Variants in LGSN observed in about 807,000 individuals in gnomAD.
The protein encoded by LGSN is lengsin.
Under a neutral mutation model 19.5 loss-of-function variants are expected in LGSN, and 21 were observed. That is an observed-to-expected ratio of 1.07 (90% CI 0.76 to 1.55). The LOEUF (loss-of-function observed/expected upper bound fraction) is 1.55, where lower values mean the gene tolerates loss of function less well. LGSN is among the 40% of genes most tolerant of loss of function. The pLI, the probability that LGSN is intolerant of heterozygous loss-of-function variation, is 0.00. For missense variants in LGSN, 673 were observed against 608.5 expected, an observed-to-expected ratio of 1.11 and a Z score of -1.12; for synonymous variants, 257 against 215.6, an observed-to-expected ratio of 1.19 and a Z score of -1.68.
At position 63,281,089 on chromosome 6, in the gene LGSN, T is replaced by C. The variant is rs1278006004; in HGVS notation, c.462A>G (p.Ser154=). 1.2e-6 allele frequency: 2 copies of C among 1,613,814 alleles called. No homozygotes were observed. The highest frequency in any genetic ancestry group is 1.7e-6 in the Non-Finnish European group (2 of 1,179,992). ...CAGCCCATGGCAAAACTCTAAAGGT[T>C]GATAACTCTGGCATTAGGACTATGT... ...NSDIVLMPEL[S]TFRVLPWADR... The change falls in exon 4 of 4, where the codon TCA becomes TCG. Residue 154 remains serine, a synonymous_variant. Transcript: ENST00000370657.
chr6:63,439,493 C>T, the LGSN span, among the ~76,000 whole-genome samples: 543 of 151,642 alleles, frequency 3.6e-3, 4 homozygotes, highest in South Asian at 0.02. Context: ...CCGGCCTGGG[C>T]GACAGAGTGT....
chr6:63,480,207 A>G, the LGSN span: 1 of 221,834 alleles, frequency 4.5e-6, no homozygotes, highest in Non-Finnish European at 1.0e-5. Flanking sequence ...CAGAGCTGCA[A>G]CAAGGGGTAT....
the LGSN span, among the ~76,000 whole-genome samples, chr6:63,342,702 C>T: frequency 6.6e-6 from 1 of 152,168 alleles, no homozygotes; most frequent in East Asian, 1.9e-4. Flanking sequence ...GTTTGGTGAT[C>T]AGCTTTTTAA....
chr6:63,410,089 G>T, the LGSN span, among the ~76,000 whole-genome samples: 1 of 152,144 alleles, frequency 6.6e-6, no homozygotes, highest in South Asian at 2.1e-4. Flanking sequence ...CTATAAAATA[G>T]TACCTGTCTC....
intron 1 of LGSN, among the ~76,000 whole-genome samples, chr6:63,296,250 T>G (rs1021345617): frequency 2.0e-5 from 3 of 152,010 alleles, no homozygotes; most frequent in African/African-American, 7.2e-5. Flanking sequence ...AAAATTGTGG[T>G]CTTTTTCACT....
the LGSN span, among the ~76,000 whole-genome samples, chr6:63,472,754 C>T: frequency 5.3e-5 from 8 of 151,830 alleles, no homozygotes; most frequent in Admixed American, 1.3e-4. Context: ...TCCTGGCTAA[C>T]GCAGTGAAAC....
intron 2 of LGSN, among the ~76,000 whole-genome samples, chr6:63,288,435 G>A (rs896106931): frequency 6.6e-6 from 1 of 151,520 alleles, no homozygotes; most frequent in Non-Finnish European, 1.5e-5. Context: ...ATACAAGGGT[G>A]GGATAAATTC....
At chr6:63,367,427 A>C in the LGSN span, among the ~76,000 whole-genome samples, 1 of 152,218 alleles carries the variant, frequency 6.6e-6, no homozygotes, top group South Asian at 2.1e-4. Context: ...CAATCATTAA[A>C]AAGTCAGGAA....
chr6:63,526,950 T>C, the LGSN span, among the ~76,000 whole-genome samples: 4 of 151,880 alleles, frequency 2.6e-5, no homozygotes, highest in Middle Eastern at 3.4e-3. Context: ...GTTATGCACT[T>C]CTTCAAAATG....
the LGSN span, chr6:63,395,760 G>T: frequency 6.9e-6 from 1 of 145,544 alleles, no homozygotes; most frequent in South Asian, 2.1e-4. Flanking sequence ...GGACTATCTG[G>T]ACAATATCAA....
the LGSN span, among the ~76,000 whole-genome samples, chr6:63,489,060 C>A: frequency 2.6e-5 from 4 of 151,970 alleles, no homozygotes; most frequent in African/African-American, 4.8e-5. Context: ...TGAATTTTTG[C>A]TAAGGATCAT....
chr6:63,314,469 CAAGG>C (rs1768765814), intron 1 of LGSN, among the ~76,000 whole-genome samples: 1 of 151,804 alleles, frequency 6.6e-6, no homozygotes, highest in Non-Finnish European at 1.5e-5. Flanking sequence ...CTGACTGAGA[CAAGG>C]AAGGAAGAGA....
chr6:63,370,722 C>T, the LGSN span, among the ~76,000 whole-genome samples: 1 of 152,206 alleles, frequency 6.6e-6, no homozygotes, highest in Admixed American at 6.5e-5. Flanking sequence ...TGTAAGCATT[C>T]TGCTTGCCAA....
chr6:63,351,624 T>G, the LGSN span, among the ~76,000 whole-genome samples: 448 of 152,148 alleles, frequency 2.9e-3, 3 homozygotes, highest in African/African-American at 0.01. Context: ...GCCAGGCTAA[T>G]TTTTTGTATT....
intron 1 of LGSN, among the ~76,000 whole-genome samples, chr6:63,305,011 G>T (rs1410073157): frequency 6.6e-6 from 1 of 152,136 alleles, no homozygotes; most frequent in East Asian, 1.9e-4. Flanking sequence ...AATTATGGAA[G>T]ACCATTGTTC....
chr6:63,525,774 G>A, the LGSN span, among the ~76,000 whole-genome samples: 11 of 152,112 alleles, frequency 7.2e-5, no homozygotes, highest in Admixed American at 2.0e-4. Flanking sequence ...TTTTTCCCCT[G>A]TCAGTCCTCC....
At chr6:63,427,840 A>G in the LGSN span, among the ~76,000 whole-genome samples, 1 of 152,198 alleles carries the variant, frequency 6.6e-6, no homozygotes, top group Non-Finnish European at 1.5e-5. Flanking sequence ...ACATCTAAGA[A>G]TCAATCTAAG....
the LGSN span, among the ~76,000 whole-genome samples, chr6:63,364,528 A>C: frequency 6.6e-6 from 1 of 152,104 alleles, no homozygotes; most frequent in Non-Finnish European, 1.5e-5. Context: ...AGAGATCAAC[A>C]AGACAGAAAG....
At chr6:63,424,525 AC>A in the LGSN span, among the ~76,000 whole-genome samples, 8 of 149,794 alleles carry the variant, frequency 5.3e-5, no homozygotes, top group Non-Finnish European at 1.2e-4. Context: ...ACACACACAC[AC>A]ACACACACAC....
Sources: allele counts gnomAD v4.1 joint callset (sites outside exome capture counted in the v4.1 genomes callset), GRCh38; gene constraint gnomAD v4.1.1; transcripts MANE v1.5; gene names NCBI Gene and HGNC (gene_info 2026-07-23, HGNC 2026-07-21).